EPB41L2: variants seen among roughly 807,000 people sequenced by gnomAD.
EPB41L2 encodes erythrocyte membrane protein band 4.1 like 2.
Under a neutral mutation model 113.0 loss-of-function variants are expected in EPB41L2, and 43 were observed. That is an observed-to-expected ratio of 0.38 (90% CI 0.30 to 0.49). The LOEUF (loss-of-function observed/expected upper bound fraction) is 0.49. Among genes scored for constraint, EPB41L2 ranks in the 20% least tolerant of loss-of-function variants. The pLI is 0.95. For synonymous variants in EPB41L2, 442 were observed against 436.7 expected (o/e 1.01, Z -0.15); for missense variants, 1,147 against 1,223.4 (o/e 0.94, Z 0.93).
chr6:130,955,598 T>C (rs906157441), intron 2 of EPB41L2, among the ~76,000 whole-genome samples: 5 of 152,202 alleles, frequency 3.3e-5, no homozygotes, highest in African/African-American at 7.2e-5. Context: ...ATAATAACAT[T>C]TCCAATTAAA....
At chr6:130,976,978 G>C (rs1778330098) in intron 1 of EPB41L2, among the ~76,000 whole-genome samples, 1 of 152,168 alleles carries the variant, frequency 6.6e-6, no homozygotes, top group Non-Finnish European at 1.5e-5. Flanking sequence ...GATAAGGGCT[G>C]TAAGAGAGGT....
chr6:130,913,194 A>G (rs1274920799), intron 4 of EPB41L2, among the ~76,000 whole-genome samples: 1 of 152,216 alleles, frequency 6.6e-6, no homozygotes, highest in Non-Finnish European at 1.5e-5. Context: ...TAAACCCAGC[A>G]ATATGAGTGA....
chr6:130,963,371 A>AT (rs1774119415), intron 1 of EPB41L2, among the ~76,000 whole-genome samples: 1 of 152,114 alleles, frequency 6.6e-6, no homozygotes. Context: ...AAAGTATTCC[A>AT]TTTTTTCCAA....
At chr6:130,939,227 A>T (rs1039179686) in intron 3 of EPB41L2, among the ~76,000 whole-genome samples, 1 of 152,088 alleles carries the variant, frequency 6.6e-6, no homozygotes, top group Non-Finnish European at 1.5e-5. Context: ...TAACAAATGA[A>T]TTGCACCTAT....
At chr6:130,885,048 T>C (rs758206455) in intron 12 of EPB41L2, 48 bp downstream of exon 12, 1 of 1,595,130 alleles carries the variant, frequency 6.3e-7, no homozygotes, top group East Asian at 2.2e-5. Flanking sequence ...AGATACCCTC[T>C]AGGTTAAGTA....
chr6:130,985,573 G>A (rs928731935), intron 1 of EPB41L2, among the ~76,000 whole-genome samples: 23 of 152,310 alleles, frequency 1.5e-4, no homozygotes, highest in Admixed American at 5.9e-4. Context: ...ATGGGACATC[G>A]CCAGCTGAAG....
chr6:131,057,824 C>G (rs1797882540), intron 1 of EPB41L2, among the ~76,000 whole-genome samples: 1 of 152,198 alleles, frequency 6.6e-6, no homozygotes, highest in Non-Finnish European at 1.5e-5. Flanking sequence ...AATGCATGAA[C>G]TACCCTACCT....
chr6:130,897,487 C>G lies in EPB41L2; in HGVS notation c.1236+2004G>C, dbSNP rs549350997. 2.0e-5 allele frequency among the ~76,000 whole-genome samples: 3 copies of G among 152,230 alleles called. No individual in the cohort carries two copies. The East Asian group carries it at 5.8e-4, about 29-fold the overall frequency. ...ACAGAGTCCACAATTTCTTACTTTT[C>G]TAAGAGACAACATTAAAAACAAGAA... On this transcript the variant is annotated intron_variant, in intron 8 of 19. Transcript: ENST00000337057.
chr6:130,890,491 A>G (rs1562404792), intron 10 of EPB41L2, 25 bp from the exon 11 acceptor site: 2 of 1,492,116 alleles, frequency 1.3e-6, no homozygotes, highest in East Asian at 2.3e-5. Context: ...AAAAAAAAAA[A>G]GAGAGAGAGA....
At chr6:130,899,640 G>A in intron 7 of EPB41L2, 62 bp from the exon 8 acceptor site, 1 of 1,461,816 alleles carries the variant, frequency 6.8e-7, no homozygotes, top group Middle Eastern at 1.7e-4. Context: ...TAGTCAGAAT[G>A]GGAGGAGTGT....
At chr6:130,848,197 T>TCACACACACA (rs1309842285) in intron 19 of EPB41L2, among the ~76,000 whole-genome samples, 52 of 127,816 alleles carry the variant, frequency 4.1e-4, no homozygotes, top group African/African-American at 1.4e-3. Context: ...TCTCTCTCTC[T>TCACACACACA]CTCACACACA....
intron 1 of EPB41L2, among the ~76,000 whole-genome samples, chr6:131,016,497 C>T (rs1317649680): frequency 6.6e-6 from 1 of 150,558 alleles, no homozygotes; most frequent in Non-Finnish European, 1.5e-5. Flanking sequence ...CACACACACA[C>T]ACACACACAC....
At chr6:130,930,605 T>C (rs1806496640) in intron 3 of EPB41L2, among the ~76,000 whole-genome samples, 2 of 152,144 alleles carry the variant, frequency 1.3e-5, no homozygotes, top group African/African-American at 4.8e-5. Flanking sequence ...GATTCAAAAA[T>C]GCCAAAAGAT....
Position 130,890,331 on chromosome 6 carries a change from G to A in EPB41L2, c.1623C>T (p.Arg541=). Reference sequence around the variant, plus strand: ...TCCTGGAGACCCGTTTACTAGAAGTGCGCTCAAAGTGTGGTGCTGGCCTAT... The same window carrying A: ...TCCTGGAGACCCGTTTACTAGAAGTACGCTCAAAGTGTGGTGCTGGCCTAT... ...LIDRPAPHFE[R]TSSKRVSRSL... is the part of the protein sequence containing the mutation. The change falls in exon 11 of 20, where the codon CGC becomes CGT. Residue 541 remains arginine, a synonymous_variant. Coordinates refer to ENST00000337057, the MANE Select transcript of EPB41L2 (RefSeq NM_001431.4). The A allele has an allele frequency of 6.2e-7, 1 of 1,613,624 alleles. No homozygotes were observed. Among genetic ancestry groups the A allele is most frequent in the Non-Finnish European group, 8.5e-7 (1 of 1,179,766 alleles).
chr6:131,031,845 T>C (rs1185552672), intron 1 of EPB41L2, among the ~76,000 whole-genome samples: 4 of 152,252 alleles, frequency 2.6e-5, no homozygotes, highest in Non-Finnish European at 5.9e-5. Context: ...AAAGAAATGC[T>C]ATGTTAATGT....
At chr6:130,993,615 G>A (rs6906396) in intron 1 of EPB41L2, among the ~76,000 whole-genome samples, 62 of 152,224 alleles carry the variant, frequency 4.1e-4, no homozygotes, top group African/African-American at 1.4e-3. Flanking sequence ...CCTCCCTCTC[G>A]ATCTTCAGGG....
At chr6:130,913,648 T>C (rs1369498602) in intron 4 of EPB41L2, among the ~76,000 whole-genome samples, 1 of 152,164 alleles carries the variant, frequency 6.6e-6, no homozygotes, top group East Asian at 1.9e-4. Flanking sequence ...TTATTTTTAC[T>C]TGAATACATA....
At chr6:130,927,169 A>G (rs1002133155) in intron 3 of EPB41L2, among the ~76,000 whole-genome samples, 9 of 152,166 alleles carry the variant, frequency 5.9e-5, no homozygotes, top group African/African-American at 2.2e-4. Flanking sequence ...GTTCCATGAT[A>G]TCTGTAGAAT....
chr6:131,001,391 C>T (rs1232376411), intron 1 of EPB41L2, among the ~76,000 whole-genome samples: 3 of 152,078 alleles, frequency 2.0e-5, no homozygotes, highest in African/African-American at 7.2e-5. Flanking sequence ...AACAGAGATT[C>T]TTTATATTAC....
Sources: gnomAD v4.1 joint callset for allele counts (sites outside exome capture counted in the v4.1 genomes callset) on GRCh38, gnomAD v4.1.1 for gene constraint, MANE v1.5 for transcripts, NCBI Gene and HGNC (gene_info 2026-07-23, HGNC 2026-07-21) for gene names.